Variants in CABCOCO1 observed in about 807,000 individuals in gnomAD.
The protein encoded by CABCOCO1 is ciliary-associated calcium-binding coiled-coil protein 1.
CABCOCO1 carries 28 observed loss-of-function variants against 35.7 expected under a neutral mutation model. The observed-to-expected ratio is 0.78, with a 90% CI of 0.58 to 1.07. The LOEUF is 1.07. Ranked by LOEUF, CABCOCO1 falls within the 50% of genes least tolerant of loss-of-function variation. CABCOCO1 has a pLI of 0.00. For synonymous variants in CABCOCO1, 95 were observed against 100.1 expected, an observed-to-expected ratio of 0.95 and a Z score of 0.30; for missense variants, 326 against 309.2, an observed-to-expected ratio of 1.05 and a Z score of -0.41.
intron 5 of CABCOCO1, among the ~76,000 whole-genome samples, chr10:61,732,607 T>G (rs914630084): frequency 6.6e-6 from 1 of 152,198 alleles, no homozygotes; most frequent in African/African-American, 2.4e-5. Context: ...GGAAATAGAT[T>G]TGCTATGTAA....
At chr10:61,743,936 G>GT (rs1450894667) in intron 5 of CABCOCO1, among the ~76,000 whole-genome samples, 3 of 151,928 alleles carry the variant, frequency 2.0e-5, no homozygotes, top group Admixed American at 2.0e-4. Flanking sequence ...TCTAATAATT[G>GT]TTTCATTCTT....
At chr10:61,690,750 T>C in intron 5 of CABCOCO1, 129 bp downstream of exon 5, 2 of 559,062 alleles carry the variant, frequency 3.6e-6, no homozygotes, top group Non-Finnish European at 3.1e-6. Flanking sequence ...AATCAACTCG[T>C]AGTTTGCAAA....
intron 5 of CABCOCO1, among the ~76,000 whole-genome samples, chr10:61,731,793 A>G (rs1841309490): frequency 8.0e-6 from 1 of 125,684 alleles, no homozygotes; most frequent in African/African-American, 3.1e-5. Flanking sequence ...GGAGGGAGGG[A>G]AGGGGGGGAA....
chr10:61,685,899 T>C, intron 3 of CABCOCO1, 142 bp from the exon 4 acceptor site: 1 of 726,374 alleles, frequency 1.4e-6, no homozygotes, highest in Non-Finnish European at 2.1e-6. Flanking sequence ...ATTAATTTAT[T>C]ATGAAGAAAC....
At chr10:61,680,707 ACATGTATAAC>A (rs1839756689) in intron 2 of CABCOCO1, among the ~76,000 whole-genome samples, 1 of 104,188 alleles carries the variant, frequency 9.6e-6, no homozygotes, top group Non-Finnish European at 1.8e-5. Context: ...TATATGTTAT[ACATGTATAAC>A]ATATATATTA....
intron 4 of CABCOCO1, 28 bp from the exon 5 acceptor site, chr10:61,690,521 C>T (rs939083361): frequency 1.4e-6 from 2 of 1,468,448 alleles, no homozygotes; most frequent in Non-Finnish European, 9.4e-7. Flanking sequence ...ATCAACTTAT[C>T]AGAGTGCACA....
At chr10:61,700,565 G>A (rs1028260314) in intron 5 of CABCOCO1, among the ~76,000 whole-genome samples, 1 of 152,030 alleles carries the variant, frequency 6.6e-6, no homozygotes, top group Non-Finnish European at 1.5e-5. Flanking sequence ...AATGTACATT[G>A]TTAAACTTTC....
At chr10:61,701,516 T>C (rs894772866) in intron 5 of CABCOCO1, among the ~76,000 whole-genome samples, 5 of 152,172 alleles carry the variant, frequency 3.3e-5, no homozygotes, top group Non-Finnish European at 7.3e-5. Context: ...GGACTTTAGC[T>C]AAGGGGATTT....
chr10:61,759,910 CA>C, intron 5 of CABCOCO1, 148 bp from the exon 6 acceptor site: 1 of 979,552 alleles, frequency 1.0e-6, no homozygotes, highest in Non-Finnish European at 1.5e-6. Flanking sequence ...CACTAGAGGA[CA>C]AAAAGGGCAA....
chr10:61,729,703 T>A (rs1408523072), intron 5 of CABCOCO1, among the ~76,000 whole-genome samples: 1 of 152,154 alleles, frequency 6.6e-6, no homozygotes, highest in Non-Finnish European at 1.5e-5. Flanking sequence ...AGCCAAGATG[T>A]GGAAAACCCT....
intron 5 of CABCOCO1, among the ~76,000 whole-genome samples, chr10:61,759,493 T>G (rs1048984382): frequency 6.6e-6 from 1 of 152,028 alleles, no homozygotes; most frequent in African/African-American, 2.4e-5. Flanking sequence ...AAAGAATTGT[T>G]AAATACTCAT....
At chr10:61,666,907 A>G (rs1205370891) in intron 1 of CABCOCO1, among the ~76,000 whole-genome samples, 2 of 143,642 alleles carry the variant, frequency 1.4e-5, no homozygotes, top group Non-Finnish European at 3.0e-5. Context: ...ATTATATATT[A>G]TATATAAATT....
intron 4 of CABCOCO1, among the ~76,000 whole-genome samples, chr10:61,689,266 C>A (rs191454575): frequency 1.3e-5 from 2 of 152,212 alleles, no homozygotes; most frequent in South Asian, 2.1e-4. Context: ...AGGTAACCAG[C>A]GTAAGTTAGG....
chr10:61,710,417 G>T (rs111991796), intron 5 of CABCOCO1, among the ~76,000 whole-genome samples: 2 of 151,950 alleles, frequency 1.3e-5, no homozygotes, highest in African/African-American at 4.8e-5. Context: ...TAAAGTAGTT[G>T]TGATGCTATT....
chr10:61,697,395 T>C (rs901455527), intron 5 of CABCOCO1, among the ~76,000 whole-genome samples: 3 of 152,108 alleles, frequency 2.0e-5, no homozygotes, highest in African/African-American at 7.2e-5. Context: ...TATGGTTATG[T>C]TAATATCTCT....
intron 5 of CABCOCO1, among the ~76,000 whole-genome samples, chr10:61,701,406 G>A (rs1840455730): frequency 6.6e-6 from 1 of 152,098 alleles, no homozygotes; most frequent in African/African-American, 2.4e-5. Flanking sequence ...TATTGCAAAT[G>A]AAGATTTAAT....
Position 61,766,543 on chromosome 10 carries a change from A to AT in CABCOCO1, c.*533dup, listed in dbSNP as rs1842114922. Reference sequence around the variant, plus strand: ...TTTACTGAAATCATTTGGTTTTCTTATTTAAACGTTTCAGTGTGAAACCAA... The same window carrying AT: ...TTTACTGAAATCATTTGGTTTTCTTATTTTAAACGTTTCAGTGTGAAACCAA... On this transcript the variant is annotated 3_prime_UTR_variant, in exon 8 of 8. Coordinates refer to ENST00000648843, the MANE Select transcript of CABCOCO1 (RefSeq NM_001366906.2). The AT allele has an allele frequency of 6.8e-6, 1 of 146,046 alleles. No homozygotes were observed. Among genetic ancestry groups the AT allele is most frequent in the Non-Finnish European group, 1.5e-5 (1 of 66,404 alleles). 9.0% of individuals were successfully genotyped at this position (146,046 alleles called of 1,614,324 possible). A position where few individuals can be genotyped will look rare whatever the true frequency, so the allele number is the denominator to read the frequency against.
intron 5 of CABCOCO1, among the ~76,000 whole-genome samples, chr10:61,692,374 C>T (rs1238470803): frequency 3.3e-5 from 5 of 151,946 alleles, no homozygotes; most frequent in Non-Finnish European, 5.9e-5. Context: ...GTTTAAGTTC[C>T]TTGTAGATTC....
rs570260905 is a variant in CABCOCO1, at chr10:61,671,133, T to C, written c.61-1499T>C. On this transcript the variant is annotated intron_variant, in intron 1 of 7. Coordinates refer to ENST00000648843, the MANE Select transcript of CABCOCO1 (RefSeq NM_001366906.2). ...CGAGGTCAGGAGGTCGAGATCATCC[T>C]GGCAAACACAGTGAAACCACGTCTC... Among the ~76,000 whole-genome samples the C allele has an allele frequency of 1.2e-4, 18 of 152,318 alleles. No homozygotes were observed. The East Asian group carries it at 3.1e-3, about 26-fold the overall frequency.
Sources: allele counts gnomAD v4.1 joint callset (sites outside exome capture counted in the v4.1 genomes callset), GRCh38; gene constraint gnomAD v4.1.1; transcripts MANE v1.5; gene names NCBI Gene and HGNC (gene_info 2026-07-23, HGNC 2026-07-21).